The following DZIP3 variants were observed in gnomAD, a reference collection of about 807,000 sequenced individuals.
DZIP3 encodes DAZ interacting zinc finger protein 3, also known as E3 ubiquitin-protein ligase DZIP3.
In DZIP3, 118 loss-of-function variants were observed where a neutral mutation model predicts 162.0. The ratio of observed to expected loss-of-function variants is 0.73; its 90% CI spans 0.63 to 0.85. The LOEUF is 0.85. DZIP3 is among the 40% of genes least tolerant of loss of function. The probability of loss-of-function intolerance (pLI) is 0.00; values close to 1 mark genes in which losing one functional copy is unlikely to be tolerated. For synonymous variants in DZIP3, 438 were observed against 458.6 expected, an observed-to-expected ratio of 0.96 and a Z score of 0.57; for missense variants, 1,331 against 1,407.0, an observed-to-expected ratio of 0.95 and a Z score of 0.86.
intron 21 of DZIP3, among the ~76,000 whole-genome samples, chr3:108,667,905 G>T (rs1352543532): frequency 3.3e-5 from 5 of 152,038 alleles, no homozygotes; most frequent in African/African-American, 1.2e-4. Flanking sequence ...TGAGATGGAA[G>T]AAAAGACAGG....
chr3:108,688,766 A>G (rs1944586042), intron 30 of DZIP3, 30 bp downstream of exon 30: 2 of 1,613,884 alleles, frequency 1.2e-6, no homozygotes, highest in Non-Finnish European at 1.7e-6. Flanking sequence ...TTCTGAACAC[A>G]TTTAGATTTG....
At chr3:108,648,163 A>G (rs768133697) in intron 16 of DZIP3, 51 bp downstream of exon 16, 1 of 1,504,266 alleles carries the variant, frequency 6.6e-7, no homozygotes, top group Admixed American at 2.3e-5. Flanking sequence ...CTGGGCCTTT[A>G]ATTTGTTGCA....
intron 26 of DZIP3, among the ~76,000 whole-genome samples, chr3:108,681,061 C>T (rs1944287871): frequency 6.6e-6 from 1 of 152,170 alleles, no homozygotes; most frequent in African/African-American, 2.4e-5. Context: ...ATGACTAAAA[C>T]ACCAAAAGCA....
chr3:108,674,017 A>T (rs952142557), intron 23 of DZIP3, 61 bp from the exon 24 acceptor site: 3 of 1,237,230 alleles, frequency 2.4e-6, no homozygotes. Context: ...ATGATTGAGA[A>T]GAGAATGTTC....
intron 26 of DZIP3, among the ~76,000 whole-genome samples, chr3:108,678,940 G>A (rs1012815895): frequency 6.6e-6 from 1 of 151,986 alleles, no homozygotes; most frequent in East Asian, 1.9e-4. Flanking sequence ...TACATCATGG[G>A]CTTTAGTTTA....
chr3:108,634,697 T>G (rs1942058028), intron 9 of DZIP3, among the ~76,000 whole-genome samples, 174 bp from the exon 10 acceptor site: 1 of 152,200 alleles, frequency 6.6e-6, no homozygotes, highest in African/African-American at 2.4e-5. Context: ...TCTTTAGTGA[T>G]GTAAAAATGA....
chr3:108,612,571 AC>A (rs2107513878), intron 4 of DZIP3, among the ~76,000 whole-genome samples: 1 of 152,178 alleles, frequency 6.6e-6, no homozygotes, highest in East Asian at 1.9e-4. Context: ...ATTCCAGGAC[AC>A]CCCCGGTACA....
chr3:108,685,901 TA>T (rs1264829305), intron 27 of DZIP3, among the ~76,000 whole-genome samples: 1 of 152,156 alleles, frequency 6.6e-6, no homozygotes, highest in African/African-American at 2.4e-5. Flanking sequence ...TAAAATTTTT[TA>T]ATGTAAAAGG....
chr3:108,605,018 G>A (rs1413034621), intron 1 of DZIP3, among the ~76,000 whole-genome samples: 3 of 152,304 alleles, frequency 2.0e-5, no homozygotes, highest in African/African-American at 7.2e-5. Flanking sequence ...ACCAGCTGTT[G>A]TATAGCCATT....
In DZIP3 at chr3:108,662,136, A is replaced by C. The variant is rs893499918; in HGVS notation, c.2302A>C (p.Lys768Gln). ...AATATTTTTTATTGATCAGGATTTC[A>C]AAAGACAGTTGAGAACAGTGACTTT... The part of the protein sequence containing the change: ...YKLHYQCEDF[K>Q]RQLRTVTFRW... Residue 768 changes from lysine (K) to glutamine (Q), a missense_variant, in exon 21 of 33, where the codon AAA becomes CAA. Physicochemically the swap from Lys to Gln is moderately conservative, Grantham distance 53. Coordinates refer to ENST00000361582, the MANE Select transcript of DZIP3 (RefSeq NM_014648.4). The C allele has an allele frequency of 1.3e-6, 2 of 1,591,068 alleles. No homozygotes were observed. Among genetic ancestry groups the C allele is most frequent in the African/African-American group, 1.4e-5 (1 of 73,206 alleles).
chr3:108,677,378 C>A, intron 25 of DZIP3, 119 bp from the exon 26 acceptor site: 9 of 497,866 alleles, frequency 1.8e-5, no homozygotes, highest in Non-Finnish European at 3.0e-5. Flanking sequence ...TATATTATTT[C>A]TGACAGGTTG....
chr3:108,603,963 T>C (rs1940179000), intron 1 of DZIP3, among the ~76,000 whole-genome samples: 2 of 152,198 alleles, frequency 1.3e-5, no homozygotes, highest in Admixed American at 6.5e-5. Flanking sequence ...TACTTCTTCC[T>C]GTCTGTGGTA....
intron 10 of DZIP3, chr3:108,635,245 A>C (rs531975830): frequency 1.2e-4 from 30 of 247,938 alleles, no homozygotes; most frequent in African/African-American, 6.1e-4. Context: ...GTTTCTATCA[A>C]TTTGTTCCCT....
At chr3:108,606,504 TGCATAACTATTA>T (rs1265044619) in intron 2 of DZIP3, among the ~76,000 whole-genome samples, 1 of 152,174 alleles carries the variant, frequency 6.6e-6, no homozygotes, top group African/African-American at 2.4e-5. Context: ...TTAGGCAAAT[TGCATAACTATTA>T]GAGATTCTGT....
intron 24 of DZIP3, among the ~76,000 whole-genome samples, chr3:108,674,662 A>C (rs1944039350): frequency 6.6e-6 from 1 of 151,956 alleles, no homozygotes; most frequent in African/African-American, 2.4e-5. Context: ...GGGAAACATC[A>C]GTATTAACAC....
At position 108,636,607 on chromosome 3, in the gene DZIP3, TA is replaced by T; in HGVS notation, c.919-6del. On this transcript the variant is annotated splice_polypyrimidine_tract_variant and splice_region_variant and intron_variant, in intron 10 of 32. Coordinates refer to ENST00000361582, the MANE Select transcript of DZIP3 (RefSeq NM_014648.4). ...TTCTATTTTTATTTTTTTCTATTAA[TA>T]AATTTAGAGTTTTAGTGGGAAAAAA... 6.6e-7 allele frequency: 1 copy of T among 1,519,722 alleles called. No homozygotes were observed. The highest frequency in any genetic ancestry group is 8.8e-7 in the Non-Finnish European group (1 of 1,135,266). The allele number at this position is 1,519,722 out of a possible 1,614,324, so 94.1% of individuals were successfully genotyped here.
At chr3:108,615,517 T>G (rs766003472) in intron 4 of DZIP3, among the ~76,000 whole-genome samples, 2 of 152,092 alleles carry the variant, frequency 1.3e-5, no homozygotes, top group Non-Finnish European at 2.9e-5. Flanking sequence ...AATTGATTGC[T>G]AGGGAGACTG....
intron 6 of DZIP3, 112 bp from the exon 7 acceptor site, chr3:108,625,733 T>G: frequency 9.5e-7 from 1 of 1,048,438 alleles, no homozygotes; most frequent in Non-Finnish European, 1.3e-6. Context: ...ACCAGATGAT[T>G]GTATTATTTT....
In DZIP3 at chr3:108,674,475, T is replaced by C. The variant is rs1478434437; in HGVS notation, c.2693+294T>C. ...GCACTGAGAAGTCTAATGAGTACTA[T>C]GTACAATAATAGCTGCTGAAAGATT... On this transcript the variant is annotated intron_variant, in intron 24 of 32. Coordinates refer to ENST00000361582, the MANE Select transcript of DZIP3 (RefSeq NM_014648.4). 2.5e-4 allele frequency among the ~76,000 whole-genome samples: 38 copies of C among 151,956 alleles called. 1 individual carries two copies. Among genetic ancestry groups the C allele is most frequent in the Admixed American group, 2.5e-3 (38 of 15,214 alleles).
Sources: allele counts gnomAD v4.1 joint callset (sites outside exome capture counted in the v4.1 genomes callset), GRCh38; gene constraint gnomAD v4.1.1; transcripts MANE v1.5; gene names NCBI Gene and HGNC (gene_info 2026-07-23, HGNC 2026-07-21).